The following CSMD1 variants were observed in gnomAD, a reference collection of about 807,000 sequenced individuals.
The protein encoded by CSMD1 is CUB and Sushi multiple domains 1, also known as CUB and sushi domain-containing protein 1.
CSMD1 carries 213 observed loss-of-function variants against 417.5 expected under a neutral mutation model. The observed-to-expected ratio is 0.51, with a 90% CI of 0.46 to 0.57. CSMD1 has a LOEUF of 0.57. Ranked by LOEUF, CSMD1 falls within the 20% of genes least tolerant of loss-of-function variation. The pLI is 0.00. For missense variants in CSMD1, 6,923 were observed against 4,529.7 expected, an observed-to-expected ratio of 1.53 and a Z score of -15.17; for synonymous variants, 2,862 against 1,736.8, an observed-to-expected ratio of 1.65 and a Z score of -16.11.
chr8:3,876,952 G>A (rs571164404), intron 5 of CSMD1, among the ~76,000 whole-genome samples: 23 of 152,232 alleles, frequency 1.5e-4, no homozygotes, highest in African/African-American at 5.5e-4. Flanking sequence ...TTATTTAGAA[G>A]CACAAGAAAT....
chr8:4,151,682 A>G (rs1796577790), intron 3 of CSMD1, among the ~76,000 whole-genome samples: 1 of 152,212 alleles, frequency 6.6e-6, no homozygotes. Context: ...TAGGTGAAAA[A>G]AATCCAACTG....
At chr8:4,186,425 A>C (rs1257721810) in intron 3 of CSMD1, among the ~76,000 whole-genome samples, 1 of 152,188 alleles carries the variant, frequency 6.6e-6, no homozygotes, top group Non-Finnish European at 1.5e-5. Context: ...CACTGAGAGT[A>C]AGTTTACAGA....
chr8:4,849,368 A>G (rs1406306105), intron 1 of CSMD1, among the ~76,000 whole-genome samples: 1 of 152,062 alleles, frequency 6.6e-6, no homozygotes, highest in African/African-American at 2.4e-5. Flanking sequence ...AACTGAAGTT[A>G]ATTTTTTTCT....
At chr8:4,449,318 A>G (rs1798993894) in intron 2 of CSMD1, among the ~76,000 whole-genome samples, 1 of 152,196 alleles carries the variant, frequency 6.6e-6, no homozygotes, top group African/African-American at 2.4e-5. Flanking sequence ...GACTCAAATG[A>G]GCATCTGTCT....
chr8:4,095,457 C>T (rs1399041754), intron 3 of CSMD1, among the ~76,000 whole-genome samples: 1 of 152,094 alleles, frequency 6.6e-6, no homozygotes, highest in African/African-American at 2.4e-5. Flanking sequence ...GCAATTTGAG[C>T]ATTTTGTATT....
chr8:4,358,271 G>T (rs149097986), intron 3 of CSMD1, among the ~76,000 whole-genome samples: 167 of 152,324 alleles, frequency 1.1e-3, no homozygotes, highest in African/African-American at 3.9e-3. Flanking sequence ...TTACCAGTGG[G>T]TGTGGAGCGC....
intron 12 of CSMD1, among the ~76,000 whole-genome samples, chr8:3,452,684 A>G (rs1306090909): frequency 2.6e-5 from 4 of 152,286 alleles, no homozygotes; most frequent in East Asian, 1.9e-4. Flanking sequence ...ATCATGGTGG[A>G]TAAGGTTTTT....
chr8:3,359,610 G>A (rs1259817993), intron 20 of CSMD1, among the ~76,000 whole-genome samples: 1 of 151,410 alleles, frequency 6.6e-6, no homozygotes, highest in Non-Finnish European at 1.5e-5. Context: ...GTGTATGGAG[G>A]GAAGGATAAA....
At chr8:4,432,836 C>A (rs919152748) in intron 2 of CSMD1, among the ~76,000 whole-genome samples, 61 of 152,208 alleles carry the variant, frequency 4.0e-4, no homozygotes, top group African/African-American at 1.5e-3. Context: ...TTCTTTAGCA[C>A]TCTGTTGTAT....
At chr8:4,362,979 C>G (rs1027790072) in intron 3 of CSMD1, among the ~76,000 whole-genome samples, 6 of 152,162 alleles carry the variant, frequency 3.9e-5, no homozygotes, top group African/African-American at 1.4e-4. Flanking sequence ...CTGCTATCAA[C>G]AAACATCTCA....
intron 5 of CSMD1, among the ~76,000 whole-genome samples, chr8:3,808,639 C>T (rs1462930998): frequency 6.6e-6 from 1 of 152,108 alleles, no homozygotes; most frequent in Non-Finnish European, 1.5e-5. Context: ...AGAGATAGTT[C>T]CTGAGCCCAA....
chr8:3,052,462 G>A lies in CSMD1; in HGVS notation c.7660C>T (p.Pro2554Ser), dbSNP rs370169110. The A allele has an allele frequency of 8.9e-6, 14 of 1,567,048 alleles. No homozygotes were observed. The highest frequency in any genetic ancestry group is 2.4e-5 in the East Asian group (1 of 42,374). The change falls in exon 50 of 70, where the codon CCG (proline) becomes TCG (serine). Residue 2554 changes from proline (P) to serine (S), a missense_variant and splice_region_variant. Transcript: ENST00000635120. ...SNKGKPPTCK[P>S]VACPSIEAQL... ...TGGGCAGATGCCCCTGAACACTTACGCTTACACGTGGGCGGCTTCCCCTTG... is the reference window on the plus strand; with the variant it reads ...TGGGCAGATGCCCCTGAACACTTACACTTACACGTGGGCGGCTTCCCCTTG...
At chr8:3,698,611 G>C (rs1800685804) in intron 7 of CSMD1, among the ~76,000 whole-genome samples, 1 of 152,134 alleles carries the variant, frequency 6.6e-6, no homozygotes, top group African/African-American at 2.4e-5. Context: ...TCCTAATACA[G>C]CACTCGCGTC....
At chr8:4,016,150 T>A (rs1221566107) in intron 4 of CSMD1, among the ~76,000 whole-genome samples, 1 of 152,206 alleles carries the variant, frequency 6.6e-6, no homozygotes, top group Non-Finnish European at 1.5e-5. Context: ...TAGATAGGAT[T>A]GCATAAAAGC....
chr8:3,598,230 A>G (rs55853367), intron 8 of CSMD1: 12 of 152,324 alleles, frequency 7.9e-5, no homozygotes, highest in Non-Finnish European at 1.3e-4. Context: ...CTAAAATTAT[A>G]CTGTGCTGTG....
At chr8:4,721,639 G>A (rs749783392) in intron 1 of CSMD1, among the ~76,000 whole-genome samples, 9 of 152,192 alleles carry the variant, frequency 5.9e-5, no homozygotes, top group Admixed American at 3.9e-4. Context: ...AATAATGGAA[G>A]AGTATGGAGG....
chr8:3,913,662 G>T (rs1431967490), intron 5 of CSMD1, among the ~76,000 whole-genome samples: 6 of 152,174 alleles, frequency 3.9e-5, no homozygotes. Flanking sequence ...TTTGGGTCAG[G>T]GCCATCGAAA....
At chr8:3,487,946 G>A (rs368899793) in intron 11 of CSMD1, among the ~76,000 whole-genome samples, 1 of 151,890 alleles carries the variant, frequency 6.6e-6, no homozygotes, top group Admixed American at 6.6e-5. Context: ...CATCCCATTA[G>A]AGATGTGTAT....
chr8:3,153,319 T>C (rs1290758671), intron 39 of CSMD1, among the ~76,000 whole-genome samples: 1 of 152,194 alleles, frequency 6.6e-6, no homozygotes, highest in Non-Finnish European at 1.5e-5. Context: ...GAAACAACCA[T>C]AAAAATGGGC....
Sources: allele counts gnomAD v4.1 joint callset (sites outside exome capture counted in the v4.1 genomes callset), GRCh38; gene constraint gnomAD v4.1.1; transcripts MANE v1.5; gene names NCBI Gene and HGNC (gene_info 2026-07-23, HGNC 2026-07-21).